The following SUCLG1 variants were observed in gnomAD, a reference collection of about 807,000 sequenced individuals.
SUCLG1 encodes succinate-CoA ligase GDP/ADP-forming subunit alpha.
Under a neutral mutation model 37.3 loss-of-function variants are expected in SUCLG1, and 26 were observed. The observed-to-expected ratio is 0.70, with a 90% CI of 0.51 to 0.97. SUCLG1 has a LOEUF of 0.97. Among genes scored for constraint, SUCLG1 ranks in the 50% least tolerant of loss-of-function variants. The probability of loss-of-function intolerance (pLI) is 0.00; values close to 1 mark genes in which losing one functional copy is unlikely to be tolerated. For missense variants in SUCLG1, 433 were observed against 432.9 expected (o/e 1.00, Z 0.00); for synonymous variants, 163 against 155.6 (o/e 1.05, Z -0.36).
At chr2:84,445,636 TTC>T (rs1378485448) in intron 2 of SUCLG1, among the ~76,000 whole-genome samples, 2 of 152,218 alleles carry the variant, frequency 1.3e-5, no homozygotes, top group African/African-American at 4.8e-5. Flanking sequence ...TCCTTGATTA[TTC>T]TCTTTCTCAT....
chr2:84,449,684 T>C lies in SUCLG1; in HGVS notation c.166A>G (p.Thr56Ala), dbSNP rs756633810. 1.2e-6 allele frequency: 2 copies of C among 1,604,728 alleles called. No individual in the cohort carries two copies. Among genetic ancestry groups the C allele is most frequent in the Admixed American group, 1.7e-5 (1 of 59,554 alleles). ...SRQHLYVDKN[T>A]KIICQGFTGK... ...GTGAAACCCTGGCAAATAATCTTTGTATTTTTATCAACATAGAGATGTTGC... is the reference window on the plus strand; with the variant it reads ...GTGAAACCCTGGCAAATAATCTTTGCATTTTTATCAACATAGAGATGTTGC... The change falls in exon 2 of 9, where the codon ACA (threonine) becomes GCA (alanine). Residue 56 changes from threonine (T) to alanine (A), a missense_variant. By Grantham distance (58) the Thr-to-Ala change is moderately conservative. Coordinates refer to ENST00000393868, the MANE Select transcript of SUCLG1 (RefSeq NM_003849.4).
At position 84,449,716 on chromosome 2, in the gene SUCLG1, G is replaced by C; in HGVS notation, c.134C>G (p.Ala45Gly). 1 of 1,593,202 alleles carries C rather than the reference G, an allele frequency of 6.3e-7. No homozygotes were observed. Among genetic ancestry groups the C allele is most frequent in the Non-Finnish European group, 8.5e-7 (1 of 1,171,894 alleles). Reference sequence around the variant, plus strand: ...ATCAACATAGAGATGTTGCCGAGAAGCTGTGTAGGAACAATGCCGAATTCC... The same window carrying C: ...ATCAACATAGAGATGTTGCCGAGAACCTGTGTAGGAACAATGCCGAATTCC... ...QNGIRHCSYT[A>G]SRQHLYVDKN... is the part of the protein sequence containing the mutation. The change falls in exon 2 of 9, where the codon GCT becomes GGT. Residue 45 changes from alanine (A) to glycine (G), a missense_variant. Ala to Gly is a moderately conservative substitution (Grantham distance 60). Transcript: ENST00000393868.
intron 1 of SUCLG1, among the ~76,000 whole-genome samples, chr2:84,453,160 T>C (rs1286456637): frequency 6.6e-6 from 1 of 151,910 alleles, no homozygotes; most frequent in Non-Finnish European, 1.5e-5. Flanking sequence ...TTTACCTACA[T>C]GAAAAAAGCA....
Position 84,423,595 on chromosome 2 carries a change from G to A in SUCLG1, c.*151C>T, listed in dbSNP as rs1268467644. The A allele has an allele frequency of 4.0e-6, 3 of 741,344 alleles. No individual in the cohort carries two copies. The highest frequency in any genetic ancestry group is 7.2e-6 in the Non-Finnish European group (3 of 416,242). 45.9% of individuals were successfully genotyped at this position (741,344 alleles called of 1,614,324 possible). A position where few individuals can be genotyped will look rare whatever the true frequency, so the allele number is the denominator to read the frequency against. ...ATGTGGTGAAAACATCTTAATTCAG[G>A]ACATCTTCCACCTTGTTTTGGCTTC... is the stretch of plus-strand genomic sequence containing the variant. On this transcript the variant is annotated 3_prime_UTR_variant, in exon 9 of 9. Coordinates refer to ENST00000393868, the MANE Select transcript of SUCLG1 (RefSeq NM_003849.4).
At chr2:84,453,039 C>T (rs1452700896) in intron 1 of SUCLG1, among the ~76,000 whole-genome samples, 1 of 152,134 alleles carries the variant, frequency 6.6e-6, no homozygotes, top group Non-Finnish European at 1.5e-5. Context: ...CATGGAAGTT[C>T]GGCCCTAAAA....
intron 1 of SUCLG1, chr2:84,458,473 GA>G (rs1673066369): frequency 6.6e-6 from 1 of 152,224 alleles, no homozygotes; most frequent in Non-Finnish European, 1.5e-5. Context: ...CAGAGACTTT[GA>G]ATATGGCAAG....
At chr2:84,447,777 C>T (rs185325044) in intron 2 of SUCLG1, among the ~76,000 whole-genome samples, 53 of 152,192 alleles carry the variant, frequency 3.5e-4, no homozygotes, top group African/African-American at 1.2e-3. Context: ...GTCACCCAAG[C>T]TGGAGTAAGT....
At chr2:84,432,083 C>T (rs1305410100) in intron 6 of SUCLG1, among the ~76,000 whole-genome samples, 2 of 152,094 alleles carry the variant, frequency 1.3e-5, no homozygotes, top group Admixed American at 6.5e-5. Flanking sequence ...AGTAAAGAAA[C>T]TATTTGATGA....
chr2:84,457,016 G>A (rs1277755458), intron 1 of SUCLG1, among the ~76,000 whole-genome samples: 2 of 152,094 alleles, frequency 1.3e-5, no homozygotes, highest in Admixed American at 6.6e-5. Flanking sequence ...ATCTACCAGT[G>A]TTCACTTGAG....
chr2:84,440,984 T>G, intron 5 of SUCLG1, 63 bp downstream of exon 5: 51 of 1,536,508 alleles, frequency 3.3e-5, no homozygotes, highest in Non-Finnish European at 4.4e-5. Context: ...AAATTCTTTG[T>G]GAGTTTTGAG....
At chr2:84,442,707 G>A (rs1189489962) in intron 3 of SUCLG1, among the ~76,000 whole-genome samples, 2 of 152,124 alleles carry the variant, frequency 1.3e-5, no homozygotes, top group Non-Finnish European at 1.5e-5. Flanking sequence ...TAAGAAATCA[G>A]CAGTTTGCGG....
chr2:84,445,313 A>G (rs1210326293), intron 2 of SUCLG1, among the ~76,000 whole-genome samples: 2 of 152,308 alleles, frequency 1.3e-5, no homozygotes, highest in Middle Eastern at 3.4e-3. Flanking sequence ...GACTTCCCGC[A>G]ACACCTTAGA....
intron 5 of SUCLG1, among the ~76,000 whole-genome samples, chr2:84,434,781 TAAAC>T (rs934219810): frequency 2.1e-4 from 32 of 152,276 alleles, no homozygotes; most frequent in African/African-American, 7.0e-4. Context: ...TTTACACTCT[TAAAC>T]AAAGTGCTAT....
At chr2:84,435,108 C>T (rs911470535) in intron 5 of SUCLG1, among the ~76,000 whole-genome samples, 3 of 152,286 alleles carry the variant, frequency 2.0e-5, no homozygotes, top group African/African-American at 7.2e-5. Context: ...TTGTTTCTTA[C>T]TATTTCCCTA....
intron 1 of SUCLG1, among the ~76,000 whole-genome samples, chr2:84,454,691 G>A (rs561511792): frequency 6.6e-6 from 1 of 152,284 alleles, no homozygotes; most frequent in South Asian, 2.1e-4. Context: ...TGAGTAATCT[G>A]AGAGAGATGT....
chr2:84,435,027 G>A (rs1181139170), intron 5 of SUCLG1, among the ~76,000 whole-genome samples: 2 of 152,188 alleles, frequency 1.3e-5, no homozygotes, highest in South Asian at 2.1e-4. Context: ...AATCCTCGAC[G>A]ATGCCTCACT....
rs777875336 is a variant in SUCLG1 at position 84,431,516 on chromosome 2, G to A, written c.817C>T (p.His273Tyr). Residue 273 changes from histidine (H) to tyrosine (Y), a missense_variant, in exon 7 of 9, where the codon CAT (histidine) becomes TAT (tyrosine). By Grantham distance (83) the His-to-Tyr change is moderately conservative (BLOSUM62 2). Coordinates refer to ENST00000393868, the MANE Select transcript of SUCLG1 (RefSeq NM_003849.4). ...EENAAEFLKQ[H>Y]NSGPNSKPVV... ...TCCAAACCCAAACTTACTGAATTAT[G>A]TTGCTTCAAAAATTCTGCAGCATTC... The A allele has an allele frequency of 1.2e-6, 2 of 1,613,970 alleles. No individual in the cohort carries two copies. Among genetic ancestry groups the A allele is most frequent in the Non-Finnish European group, 8.5e-7 (1 of 1,179,870 alleles).
intron 2 of SUCLG1, among the ~76,000 whole-genome samples, chr2:84,446,730 A>T (rs973453215): frequency 1.3e-5 from 2 of 152,170 alleles, no homozygotes; most frequent in Admixed American, 6.5e-5. Context: ...GGAGGGGGAA[A>T]ATCTAATTTT....
intron 1 of SUCLG1, 82 bp downstream of exon 1, chr2:84,459,091 A>AG: frequency 7.1e-7 from 1 of 1,411,590 alleles, no homozygotes; most frequent in Non-Finnish European, 9.5e-7. Flanking sequence ...CTGAGGGCCC[A>AG]GCCGCGGCCT....
Sources: allele counts gnomAD v4.1 joint callset (sites outside exome capture counted in the v4.1 genomes callset), GRCh38; gene constraint gnomAD v4.1.1; transcripts MANE v1.5; gene names NCBI Gene and HGNC (gene_info 2026-07-23, HGNC 2026-07-21).